Variants in SLC71A2 observed in about 807,000 individuals in gnomAD.
SLC71A2 encodes hippocampus abundant transcript-like 1.
chr9:94,415,321 G>A, the SLC71A2 span: 43,268 of 1,093,366 alleles, frequency 0.04, 967 homozygotes, highest in South Asian at 0.051. Flanking sequence ...ACGTATCACT[G>A]TGTATGTCTA....
the SLC71A2 span, among the ~76,000 whole-genome samples, chr9:94,389,181 A>G: frequency 6.6e-6 from 1 of 151,702 alleles, no homozygotes. Context: ...CCTTGCTTCT[A>G]CTTGAGAATT....
chr9:94,459,093 C>G, the SLC71A2 span: 2 of 1,509,958 alleles, frequency 1.3e-6, no homozygotes, highest in Non-Finnish European at 9.0e-7. Context: ...TTTGGGTAAT[C>G]TAGGAATAAT....
the SLC71A2 span, chr9:94,456,321 A>G: frequency 1.2e-6 from 2 of 1,613,914 alleles, no homozygotes; most frequent in Non-Finnish European, 1.7e-6. Flanking sequence ...CTCGGAATGC[A>G]GAGTCAGATC....
chr9:94,406,638 A>G, the SLC71A2 span, among the ~76,000 whole-genome samples: 7 of 152,204 alleles, frequency 4.6e-5, no homozygotes, highest in East Asian at 3.9e-4. Context: ...CTCCCAAAAC[A>G]TTAGGATTAC....
chr9:94,450,116 C>T, the SLC71A2 span, among the ~76,000 whole-genome samples: 1 of 152,180 alleles, frequency 6.6e-6, no homozygotes, highest in Non-Finnish European at 1.5e-5. Context: ...ATGAAAATCA[C>T]TTTTGATTGT....
At chr9:94,378,470 A>G in the SLC71A2 span, among the ~76,000 whole-genome samples, 3 of 152,074 alleles carry the variant, frequency 2.0e-5, no homozygotes, top group African/African-American at 7.2e-5. Context: ...TCTACTAAAA[A>G]TACAAAAATT....
the SLC71A2 span, among the ~76,000 whole-genome samples, chr9:94,416,456 G>A: frequency 6.6e-6 from 1 of 152,154 alleles, no homozygotes. Context: ...TCTTAAATAA[G>A]GTTTAGACAG....
the SLC71A2 span, chr9:94,445,028 G>T: frequency 6.2e-7 from 1 of 1,614,216 alleles, no homozygotes; most frequent in African/African-American, 1.3e-5. Context: ...CTTTCTGCCA[G>T]TTACGGAGAC....
chr9:94,427,289 T>TGGG, the SLC71A2 span, among the ~76,000 whole-genome samples: 3 of 152,278 alleles, frequency 2.0e-5, no homozygotes, highest in African/African-American at 7.2e-5. Context: ...TTTCCTTTTT[T>TGGG]GGGGGAGGGT....
the SLC71A2 span, among the ~76,000 whole-genome samples, chr9:94,439,443 G>T: frequency 1.3e-5 from 2 of 151,830 alleles, no homozygotes; most frequent in Non-Finnish European, 2.9e-5. Flanking sequence ...ACAGAAGATG[G>T]TATTTTGGTA....
At chr9:94,438,664 G>A in the SLC71A2 span, 2 of 741,696 alleles carry the variant, frequency 2.7e-6, no homozygotes, top group Non-Finnish European at 4.4e-6. Flanking sequence ...TGGTAATACT[G>A]AAAACCAGTT....
At chr9:94,457,634 T>G in the SLC71A2 span, among the ~76,000 whole-genome samples, 1 of 152,242 alleles carries the variant, frequency 6.6e-6, no homozygotes, top group Non-Finnish European at 1.5e-5. Flanking sequence ...GGACTGTCAC[T>G]GCCTTGGCAT....
chr9:94,427,590 T>TGA, the SLC71A2 span, among the ~76,000 whole-genome samples: 2 of 111,266 alleles, frequency 1.8e-5, no homozygotes, highest in Non-Finnish European at 3.5e-5. Flanking sequence ...GTTGAGAGGG[T>TGA]GAGGTTTGAG....
the SLC71A2 span, among the ~76,000 whole-genome samples, chr9:94,379,123 G>A: frequency 7.2e-6 from 1 of 139,612 alleles, no homozygotes; most frequent in African/African-American, 2.7e-5. Context: ...TTTCACTGTT[G>A]TTGCCCAGGC....
chr9:94,450,490 T>TA, the SLC71A2 span, among the ~76,000 whole-genome samples: 4,466 of 116,176 alleles, frequency 0.038, 393 homozygotes, highest in African/African-American at 0.16. Flanking sequence ...CAAAATAATG[T>TA]AACTTTTTTT....
the SLC71A2 span, among the ~76,000 whole-genome samples, chr9:94,387,519 G>A: frequency 6.6e-6 from 1 of 152,076 alleles, no homozygotes; most frequent in Admixed American, 6.6e-5. Context: ...TCTCATGATA[G>A]TTTTGAAGTA....
the SLC71A2 span, among the ~76,000 whole-genome samples, chr9:94,379,692 G>C: frequency 6.6e-6 from 1 of 152,028 alleles, no homozygotes; most frequent in Non-Finnish European, 1.5e-5. Flanking sequence ...TGCCTGGCTG[G>C]TACTCTGCAT....
chr9:94,391,594 A>C, the SLC71A2 span, among the ~76,000 whole-genome samples: 1 of 151,486 alleles, frequency 6.6e-6, no homozygotes, highest in Non-Finnish European at 1.5e-5. Context: ...TGAACTCTTT[A>C]AAAAATATTT....
chr9:94,378,052 T>C, the SLC71A2 span, among the ~76,000 whole-genome samples: 1 of 150,366 alleles, frequency 6.7e-6, no homozygotes, highest in East Asian at 2.0e-4. Flanking sequence ...TGCAGTGAGC[T>C]GAGATCGTGC....
Sources: gnomAD v4.1 joint callset for allele counts (sites outside exome capture counted in the v4.1 genomes callset) on GRCh38, gnomAD v4.1.1 for gene constraint, MANE v1.5 for transcripts, NCBI Gene and HGNC (gene_info 2026-07-23, HGNC 2026-07-21) for gene names.